RFC1: variants seen among roughly 807,000 people sequenced by gnomAD.
RFC1 encodes A1 140 kDa subunit.
Under a neutral mutation model 137.4 loss-of-function variants are expected in RFC1, and 37 were observed. The ratio of observed to expected loss-of-function variants is 0.27; its 90% CI spans 0.21 to 0.35. The LOEUF (loss-of-function observed/expected upper bound fraction) is 0.35, where lower values mean the gene tolerates loss of function less well. Ranked by LOEUF, RFC1 falls within the 10% of genes least tolerant of loss-of-function variation. RFC1 has a pLI of 1.00. For missense variants in RFC1, 1,205 were observed against 1,358.5 expected, an observed-to-expected ratio of 0.89 and a Z score of 1.78; for synonymous variants, 429 against 455.7, an observed-to-expected ratio of 0.94 and a Z score of 0.75.
chr4:39,352,558 T>C (rs903034065), intron 1 of RFC1, among the ~76,000 whole-genome samples: 27 of 152,238 alleles, frequency 1.8e-4, no homozygotes, highest in African/African-American at 6.3e-4. Flanking sequence ...GCTTTTTAAC[T>C]GTGTGATCTT....
chr4:39,332,923 G>A (rs1375269462), intron 4 of RFC1, among the ~76,000 whole-genome samples: 4 of 152,212 alleles, frequency 2.6e-5, no homozygotes, highest in Non-Finnish European at 5.9e-5. Context: ...TTCAAGACCA[G>A]CCTGGGCAAA....
In RFC1 at chr4:39,300,000, T is replaced by G. The variant is rs200985556; in HGVS notation, c.2808+21A>C. 1.8e-3 allele frequency: 2,566 copies of G among 1,421,552 alleles called. 2 individuals are homozygous for G. The highest frequency in any genetic ancestry group is 2.4e-3 in the Non-Finnish European group (2,424 of 1,004,458). The allele number at this position is 1,421,552 out of a possible 1,614,324, so 88.1% of individuals were successfully genotyped here. ...CTTAGTAAAAGCAGAGCCTGCATGT[T>G]AGGGAGAGCCCTCTGCTCACCTGCG... On this transcript the variant is annotated intron_variant, in intron 21 of 24. Coordinates refer to ENST00000349703, the MANE Select transcript of RFC1 (RefSeq NM_002913.5).
At chr4:39,296,358 C>T (rs1254243577) in intron 21 of RFC1, among the ~76,000 whole-genome samples, 2 of 132,212 alleles carry the variant, frequency 1.5e-5, no homozygotes, top group Non-Finnish European at 3.2e-5. Flanking sequence ...CCCACTAACT[C>T]GTCATCTAGC....
chr4:39,296,577 T>C (rs1377848927), intron 21 of RFC1, among the ~76,000 whole-genome samples: 1 of 151,098 alleles, frequency 6.6e-6, no homozygotes, highest in Non-Finnish European at 1.5e-5. Flanking sequence ...ACAAAGGACA[T>C]GAACTCATCA....
In RFC1 at chr4:39,306,577, T is replaced by C. The variant is rs1738673494; in HGVS notation, c.1995+15A>G. The stretch of plus-strand genomic sequence containing the variant: ...CGAGGTTATCTGTCCGACCACACTG[T>C]GACAACGCACCCACCTGACACACCA... On this transcript the variant is annotated intron_variant, in intron 14 of 24. Coordinates refer to ENST00000349703, the MANE Select transcript of RFC1 (RefSeq NM_002913.5). The C allele has an allele frequency of 6.8e-7, 1 of 1,466,246 alleles. No homozygotes were observed. The highest frequency in any genetic ancestry group is 9.6e-7 in the Non-Finnish European group (1 of 1,045,138). The allele number at this position is 1,466,246 out of a possible 1,614,324, so 90.8% of individuals were successfully genotyped here.
At chr4:39,293,741 C>T (rs915390664) in intron 22 of RFC1, among the ~76,000 whole-genome samples, 5 of 152,004 alleles carry the variant, frequency 3.3e-5, no homozygotes, top group Admixed American at 6.6e-5. Flanking sequence ...TAAAACAACC[C>T]GGAAGTCCAG....
chr4:39,346,458 A>G (rs1740864558), intron 2 of RFC1, among the ~76,000 whole-genome samples: 1 of 152,074 alleles, frequency 6.6e-6, no homozygotes, highest in East Asian at 1.9e-4. Flanking sequence ...CCTGGGCAAC[A>G]AGAGCAAAAT....
Position 39,327,768 on chromosome 4 carries a change from T to C in RFC1, c.332-12A>G, listed in dbSNP as rs762941842. 1.3e-5 allele frequency: 20 copies of C among 1,540,630 alleles called. No individual in the cohort carries two copies. In the East Asian group the frequency reaches 4.3e-4, roughly 33 times the overall value. On this transcript the variant is annotated splice_polypyrimidine_tract_variant and intron_variant, in intron 4 of 24. Coordinates refer to ENST00000349703, the MANE Select transcript of RFC1 (RefSeq NM_002913.5). The stretch of plus-strand genomic sequence containing the variant: ...GTCATCTTCTTCATCTTAAATGAAA[T>C]GTAACCAAATATTTTTTATAAAACA...
intron 21 of RFC1, 175 bp from the exon 22 acceptor site, chr4:39,295,934 C>T (rs1233734136): frequency 4.1e-6 from 2 of 484,928 alleles, no homozygotes; most frequent in East Asian, 6.6e-5. Context: ...GAAACTTCTC[C>T]CAGAGAAAAC....
intron 6 of RFC1, among the ~76,000 whole-genome samples, chr4:39,324,765 C>T (rs145535067): frequency 2.6e-5 from 4 of 152,232 alleles, no homozygotes; most frequent in Non-Finnish European, 5.9e-5. Context: ...CTATACTTGC[C>T]ATTCTAATTA....
In RFC1 at chr4:39,327,614, T is replaced by G. The variant is rs768225272; in HGVS notation, c.474A>C (p.Ile158=). The change falls in exon 5 of 25, where the codon ATA becomes ATC. Residue 158 remains isoleucine, a synonymous_variant. Coordinates refer to ENST00000349703, the MANE Select transcript of RFC1 (RefSeq NM_002913.5). ...CAAGTACTGATGTGGGTGTAAGTTT[T>G]ATTGGTGATAAAGGCTTATTCTTGG... ...TKTKNKPLSP[I]KLTPTSVLDY... is the part of the protein sequence containing the mutation. 5 of 1,613,718 alleles carry G rather than the reference T, an allele frequency of 3.1e-6. No individual in the cohort carries two copies. The African/African-American group carries it at 5.3e-5, about 17-fold the overall frequency.
intron 14 of RFC1, 105 bp from the exon 15 acceptor site, chr4:39,305,033 A>C (rs1738568118): frequency 1.3e-6 from 1 of 742,838 alleles, no homozygotes; most frequent in Non-Finnish European, 2.4e-6. Context: ...AATTAATATA[A>C]AAACCCATAG....
chr4:39,328,725 G>T (rs892319436), intron 4 of RFC1, among the ~76,000 whole-genome samples: 2 of 152,148 alleles, frequency 1.3e-5, no homozygotes, highest in Admixed American at 1.3e-4. Context: ...CTTTATTATA[G>T]AACGGGAATC....
chr4:39,288,623 C>T lies in RFC1; in HGVS notation c.*138G>A. ...CTCATACCCTTCTAGCCATACCACC[C>T]TTTATTTATAATGGGACACCAGGTC... On this transcript the variant is annotated 3_prime_UTR_variant, in exon 25 of 25. Coordinates refer to ENST00000349703, the MANE Select transcript of RFC1 (RefSeq NM_002913.5). The T allele has an allele frequency of 1.5e-6, 1 of 649,140 alleles. No individual in the cohort carries two copies. Among genetic ancestry groups the T allele is most frequent in the South Asian group, 1.9e-5 (1 of 52,200 alleles). The allele number at this position is 649,140 out of a possible 1,614,324, so 40.2% of individuals were successfully genotyped here. A position where few individuals can be genotyped will look rare whatever the true frequency, so the allele number is the denominator to read the frequency against.
At position 39,297,332 on chromosome 4, in the gene RFC1, C is replaced by T. The variant is rs1431997093; in HGVS notation, c.2809-1573G>A. ...TTTGGACATGAAGTCCTTGCCCATG[C>T]CTATGTCCTGAATGGTAATGCCTAG... is the stretch of plus-strand genomic sequence containing the variant. On this transcript the variant is annotated intron_variant, in intron 21 of 24. Coordinates refer to ENST00000349703, the MANE Select transcript of RFC1 (RefSeq NM_002913.5). 8.0e-5 allele frequency among the ~76,000 whole-genome samples: 8 copies of T among 100,018 alleles called. No individual in the cohort carries two copies. The Admixed American group carries it at 8.8e-4, about 11-fold the overall frequency. 65.6% of individuals were successfully genotyped at this position (100,018 alleles called of 152,430 possible).
chr4:39,298,995 G>A (rs1738187574), intron 21 of RFC1, among the ~76,000 whole-genome samples: 1 of 152,180 alleles, frequency 6.6e-6, no homozygotes, highest in Non-Finnish European at 1.5e-5. Context: ...ACTGTGACAT[G>A]TTCATGATGG....
In RFC1 at chr4:39,302,261, AT is replaced by A. The variant is rs755093527; in HGVS notation, c.2535+16del. On this transcript the variant is annotated intron_variant, in intron 19 of 24. Transcript: ENST00000349703. ...TTTGGCTTAGGAAAGTAACTAAGAC[AT>A]GGACATTTATTTTACCATTTTGATA... is the stretch of plus-strand genomic sequence containing the variant. The A allele has an allele frequency of 3.3e-6, 5 of 1,522,862 alleles. No individual in the cohort carries two copies. The highest frequency in any genetic ancestry group is 4.6e-6 in the Non-Finnish European group (5 of 1,096,778). 94.3% of individuals were successfully genotyped at this position (1,522,862 alleles called of 1,614,324 possible).
chr4:39,327,403 A>C, intron 5 of RFC1, 121 bp downstream of exon 5: 1 of 528,698 alleles, frequency 1.9e-6, no homozygotes, highest in Non-Finnish European at 3.2e-6. Context: ...ATCCATAATC[A>C]TAGGAAAATT....
intron 21 of RFC1, among the ~76,000 whole-genome samples, chr4:39,297,910 T>C (rs926150321): frequency 1.3e-5 from 2 of 152,236 alleles, no homozygotes; most frequent in African/African-American, 4.8e-5. Flanking sequence ...CTTTTTGTTA[T>C]CAGAACACTT....
Sources: allele counts gnomAD v4.1 joint callset (sites outside exome capture counted in the v4.1 genomes callset), GRCh38; gene constraint gnomAD v4.1.1; transcripts MANE v1.5; gene names NCBI Gene and HGNC (gene_info 2026-07-23, HGNC 2026-07-21).